Variants in FAM83C observed in about 807,000 individuals in gnomAD.
FAM83C encodes scaffolding CK1 anchoring protein C, also known as protein FAM83C.
A neutral mutation model predicts 27.1 loss-of-function variants in FAM83C; 23 were observed. The ratio of observed to expected loss-of-function variants is 0.85; its 90% CI spans 0.61 to 1.20. The LOEUF is 1.20. Among genes scored for constraint, FAM83C ranks in the 50% most tolerant of loss-of-function variants. The pLI, the probability that FAM83C is intolerant of heterozygous loss-of-function variation, is 0.00. For missense variants in FAM83C, 984 were observed against 1,001.3 expected, an observed-to-expected ratio of 0.98 and a Z score of 0.23; for synonymous variants, 426 against 423.1, an observed-to-expected ratio of 1.01 and a Z score of -0.09.
Position 35,292,109 on chromosome 20 carries a change from C to T in FAM83C, c.196G>A (p.Glu66Lys), listed in dbSNP as rs767937565. The T allele has an allele frequency of 1.8e-5, 29 of 1,604,564 alleles. No homozygotes were observed. The highest frequency in any genetic ancestry group is 6.7e-5 in the East Asian group (3 of 44,874). Residue 66 changes from glutamate to lysine, a missense_variant, in exon 1 of 4, where the codon GAG becomes AAG. Transcript: ENST00000374408. The stretch of plus-strand genomic sequence containing the variant: ...CTCAGGAAGGGCAGCTCCCGCTCCT[C>T]GGAGATGACCCGCAGGTAGGCAGCC... ...GEAAYLRVISEERELPFLSAL... is the reference protein window; with the variant it reads ...GEAAYLRVISKERELPFLSAL...
chr20:35,288,947 C>A lies in FAM83C; in HGVS notation c.525G>T (p.Val175=). ...LFSQAHTVVA[V]VMDIFTDMEL... is the part of the protein sequence containing the mutation. ...CCATGTCAGTGAATATGTCCATCAC[C>A]ACAGCCACCACCTGGGTGGGGGGAG... Residue 175 remains valine (V), a synonymous_variant, in exon 2 of 4, where the codon GTG becomes GTT. Coordinates refer to ENST00000374408, the MANE Select transcript of FAM83C (RefSeq NM_178468.6). The A allele has an allele frequency of 6.2e-7, 1 of 1,613,492 alleles. No homozygotes were observed. The highest frequency in any genetic ancestry group is 1.1e-5 in the South Asian group (1 of 91,006).
chr20:35,287,265 C>T lies in FAM83C; in HGVS notation c.1514G>A (p.Arg505His), dbSNP rs754349955. The change falls in exon 4 of 4, where the codon CGT becomes CAT. Residue 505 changes from arginine (R) to histidine (H), a missense_variant. Arg to His is a conservative substitution (Grantham distance 29). Transcript: ENST00000374408. ...KEKKASPSQSRGQLDLLVPFP... is the reference protein window; with the variant it reads ...KEKKASPSQSHGQLDLLVPFP... The stretch of plus-strand genomic sequence containing the variant: ...GGGGACAAGGAGATCCAGCTGGCCA[C>T]GGCTCTGACTTGGAGATGCCTTCTT... 57 of 1,613,224 alleles carry T rather than the reference C, an allele frequency of 3.5e-5. No individual in the cohort carries two copies. Among genetic ancestry groups the T allele is most frequent in the Admixed American group, 5.0e-5 (3 of 60,014 alleles).
At chr20:35,291,582 T>A (rs2060846922) in intron 1 of FAM83C, among the ~76,000 whole-genome samples, 1 of 152,238 alleles carries the variant, frequency 6.6e-6, no homozygotes, top group Non-Finnish European at 1.5e-5. Context: ...TGCCCTGTTC[T>A]ATGCTCATCC....
Position 35,287,603 on chromosome 20 carries a change from G to A in FAM83C, c.1176C>T (p.Pro392=), listed in dbSNP as rs746654712. 2 of 1,614,106 alleles carry A rather than the reference G, an allele frequency of 1.2e-6. No individual in the cohort carries two copies. The highest frequency in any genetic ancestry group is 1.7e-6 in the Non-Finnish European group (2 of 1,179,998). ...GPARREASGQ[P]SLHRQLSDPN... ...GGTCTGACAGTTGGCGATGTAGGGA[G>A]GGCTGGCCACTGGCCTCACGGCGGG... The change falls in exon 4 of 4, where the codon CCC becomes CCT. Residue 392 remains proline (P), a synonymous_variant. Coordinates refer to ENST00000374408, the MANE Select transcript of FAM83C (RefSeq NM_178468.6).
At position 35,287,521 on chromosome 20, in the gene FAM83C, A is replaced by G. The variant is rs747841294; in HGVS notation, c.1258T>C (p.Tyr420His). 6.8e-6 allele frequency: 11 copies of G among 1,614,148 alleles called. No individual in the cohort carries two copies. The South Asian group carries it at 1.2e-4, about 18-fold the overall frequency. Residue 420 changes from tyrosine (Y) to histidine (H), a missense_variant, in exon 4 of 4, where the codon TAC (tyrosine) becomes CAC (histidine). Transcript: ENST00000374408. ...YRANLGKLGAYPWSQSSPALN... is the reference protein window; with the variant it reads ...YRANLGKLGAHPWSQSSPALN... ...GCAGGGGAGGACTGGGACCATGGGT[A>G]TGCCCCTAGCTTGCCGAGATTGGCC...
In FAM83C at chr20:35,288,949, C is replaced by T; in HGVS notation, c.523G>A (p.Val175Met). The T allele has an allele frequency of 6.2e-7, 1 of 1,613,362 alleles. No homozygotes were observed. The highest frequency in any genetic ancestry group is 8.5e-7 in the Non-Finnish European group (1 of 1,179,642). The change falls in exon 2 of 4, where the codon GTG (valine) becomes ATG (methionine). Residue 175 changes from valine to methionine, a missense_variant. By Grantham distance (21) the Val-to-Met change is conservative (BLOSUM62 1). Coordinates refer to ENST00000374408, the MANE Select transcript of FAM83C (RefSeq NM_178468.6). ...ATGTCAGTGAATATGTCCATCACCA[C>T]AGCCACCACCTGGGTGGGGGGAGGC... Reference protein sequence around the residue: ...LFSQAHTVVAVVMDIFTDMEL... With the variant: ...LFSQAHTVVAMVMDIFTDMEL...
chr20:35,287,042 G>A lies in FAM83C; in HGVS notation c.1737C>T (p.Ala579=). 6.2e-7 allele frequency: 1 copy of A among 1,605,368 alleles called. No individual in the cohort carries two copies. Among genetic ancestry groups the A allele is most frequent in the Non-Finnish European group, 8.5e-7 (1 of 1,179,970 alleles). Reference sequence around the variant, plus strand: ...TTAGGGACAGCCTCCTGTCCTCCAGGGCCCGATCACCAGGTCTGAGGGAAC... The same window carrying A: ...TTAGGGACAGCCTCCTGTCCTCCAGAGCCCGATCACCAGGTCTGAGGGAAC... The part of the protein sequence containing the change: ...ELGSLRPGDR[A]LEDRRLSLNQ... The change falls in exon 4 of 4, where the codon GCC becomes GCT. Residue 579 remains alanine, a synonymous_variant. Transcript: ENST00000374408.
At position 35,287,526 on chromosome 20, in the gene FAM83C, C is replaced by G. The variant is rs1408031253; in HGVS notation, c.1253G>C (p.Gly418Ala). 1 of 1,614,114 alleles carries G rather than the reference C, an allele frequency of 6.2e-7. No homozygotes were observed. Among genetic ancestry groups the G allele is most frequent in the Non-Finnish European group, 8.5e-7 (1 of 1,180,002 alleles). The change falls in exon 4 of 4, where the codon GGG becomes GCG. Residue 418 changes from glycine to alanine, a missense_variant. Gly to Ala is a moderately conservative substitution (Grantham distance 60). Transcript: ENST00000374408. ...GGAGGACTGGGACCATGGGTATGCC[C>G]CTAGCTTGCCGAGATTGGCCCTATA... ...GLYRANLGKL[G>A]AYPWSQSSPA...
At position 35,287,225 on chromosome 20, in the gene FAM83C, T is replaced by G; in HGVS notation, c.1554A>C (p.Arg518=). 6.2e-7 allele frequency: 1 copy of G among 1,612,662 alleles called. No homozygotes were observed. Among genetic ancestry groups the G allele is most frequent in the East Asian group, 2.2e-5 (1 of 44,878 alleles). Residue 518 remains arginine, a synonymous_variant, in exon 4 of 4, where the codon CGA becomes CGC. Transcript: ENST00000374408. The part of the protein sequence containing the change: ...LDLLVPFPRA[R]EVGDPDSGVT... ...CCCCAGAGTCAGGGTCTCCCACTTC[T>G]CGGGCTCTGGGGAAGGGGACAAGGA...
chr20:35,289,040 G>A (rs2060839073), intron 1 of FAM83C, 82 bp from the exon 2 acceptor site: 2 of 1,522,338 alleles, frequency 1.3e-6, no homozygotes, highest in African/African-American at 1.4e-5. Context: ...AGGAAACTGG[G>A]CGCCGGGAAA....
chr20:35,287,014 G>A lies in FAM83C; in HGVS notation c.1765C>T (p.Gln589Ter). 6.2e-7 allele frequency: 1 copy of A among 1,608,382 alleles called. No individual in the cohort carries two copies. Among genetic ancestry groups the A allele is most frequent in the African/African-American group, 1.3e-5 (1 of 75,072 alleles). ...AGGAGGTCTGATTGGCCACGGCTTTGGTTTAGGGACAGCCTCCTGTCCTCC... is the reference window on the plus strand; with the variant it reads ...AGGAGGTCTGATTGGCCACGGCTTTAGTTTAGGGACAGCCTCCTGTCCTCC... Reference protein sequence around the residue: ...ALEDRRLSLNQSRGQSDLLMQ... With the variant: ...ALEDRRLSLN The change falls in exon 4 of 4, where the codon CAA becomes TAA. Residue 589 changes from glutamine to a stop codon, truncating the protein, a stop_gained. Transcript: ENST00000374408. LOFTEE classifies it high-confidence loss of function.
At chr20:35,288,337 A>C in intron 3 of FAM83C, 124 bp downstream of exon 3, 1 of 1,519,534 alleles carries the variant, frequency 6.6e-7, no homozygotes, top group Non-Finnish European at 8.8e-7. Flanking sequence ...TGAGCCTGGC[A>C]TGATGCCTGG....
chr20:35,287,548 T>C lies in FAM83C; in HGVS notation c.1231A>G (p.Arg411Gly). ...PNHGSPPGLY[R>G]ANLGKLGAYP... ...GCCCCTAGCTTGCCGAGATTGGCCCTATAGAGCCCAGGAGGGGAGCCGTGG... is the reference window on the plus strand; with the variant it reads ...GCCCCTAGCTTGCCGAGATTGGCCCCATAGAGCCCAGGAGGGGAGCCGTGG... Residue 411 changes from arginine (R) to glycine (G), a missense_variant, in exon 4 of 4, where the codon AGG (arginine) becomes GGG (glycine). Transcript: ENST00000374408. 6.2e-7 allele frequency: 1 copy of C among 1,614,090 alleles called. No individual in the cohort carries two copies. The highest frequency in any genetic ancestry group is 8.5e-7 in the Non-Finnish European group (1 of 1,180,000).
Position 35,292,047 on chromosome 20 carries a change from G to C in FAM83C, c.258C>G (p.Arg86=). 1.9e-6 allele frequency: 3 copies of C among 1,612,496 alleles called. No homozygotes were observed. Among genetic ancestry groups the C allele is most frequent in the Non-Finnish European group, 2.5e-6 (3 of 1,179,956 alleles). Residue 86 remains arginine, a synonymous_variant, in exon 1 of 4, where the codon CGC becomes CGG. Transcript: ENST00000374408. ...LDVDYMTSHV[R]GGPELSEAQG... ...GAGCCTCGCTGAGCTCAGGGCCCCC[G>C]CGCACATGGCTGGTCATGTAGTCCA...
chr20:35,290,068 C>T (rs1210070151), intron 1 of FAM83C, among the ~76,000 whole-genome samples: 1 of 152,218 alleles, frequency 6.6e-6, no homozygotes, highest in Non-Finnish European at 1.5e-5. Flanking sequence ...GGGGTCTTCG[C>T]TGCCCTTTCC....
rs6060348 is a variant in FAM83C, at chr20:35,286,356, T to A, written c.*179A>T. 316 of 335,884 alleles carry A rather than the reference T, an allele frequency of 9.4e-4. No homozygotes were observed. Among genetic ancestry groups the A allele is most frequent in the Non-Finnish European group, 1.5e-3 (282 of 182,364 alleles). 20.8% of individuals were successfully genotyped at this position (335,884 alleles called of 1,614,324 possible). Reference sequence around the variant, plus strand: ...AGATTCAAGAAGATACTAGTTAGGGTGTGTGTGTGTGTGTGTGTGTGTGTG... The same window carrying A: ...AGATTCAAGAAGATACTAGTTAGGGAGTGTGTGTGTGTGTGTGTGTGTGTG... On this transcript the variant is annotated 3_prime_UTR_variant, in exon 4 of 4. Transcript: ENST00000374408.
chr20:35,287,125 C>T lies in FAM83C; in HGVS notation c.1654G>A (p.Asp552Asn), dbSNP rs748263316. The T allele has an allele frequency of 5.6e-6, 9 of 1,603,398 alleles. No individual in the cohort carries two copies. The highest frequency in any genetic ancestry group is 1.3e-5 in the African/African-American group (1 of 74,954). ...EDRRLSPSQA[D>N]SQLDLLSRAL... Reference sequence around the variant, plus strand: ...CGGGACAGGAGATCCAGCTGGCTGTCGGCCTGGCTTGGGGACAACCTCCTG... The same window carrying T: ...CGGGACAGGAGATCCAGCTGGCTGTTGGCCTGGCTTGGGGACAACCTCCTG... Residue 552 changes from aspartate to asparagine, a missense_variant, in exon 4 of 4, where the codon GAC (aspartate) becomes AAC (asparagine). By Grantham distance (23) the Asp-to-Asn change is conservative. Transcript: ENST00000374408.
Position 35,288,484 on chromosome 20 carries a change from C to G in FAM83C, c.783G>C (p.Glu261Asp). The G allele has an allele frequency of 1.2e-6, 2 of 1,614,148 alleles. No homozygotes were observed. The highest frequency in any genetic ancestry group is 1.7e-6 in the Non-Finnish European group (2 of 1,180,014). The change falls in exon 3 of 4, where the codon GAG (glutamate) becomes GAC (aspartate). Residue 261 changes from glutamate (E) to aspartate (D), a missense_variant. Transcript: ENST00000374408. Reference protein sequence around the residue: ...ALEKFVLIDCEQVVAGSYSFT... With the variant: ...ALEKFVLIDCDQVVAGSYSFT... ...ACCTGTAACTGCCCGCCACCACTTG[C>G]TCACAGTCAATGAGGACGAACTTCT...
chr20:35,288,698 T>A, intron 2 of FAM83C, 93 bp downstream of exon 2: 1 of 1,482,988 alleles, frequency 6.7e-7, no homozygotes, highest in Non-Finnish European at 9.2e-7. Context: ...CCACTCCCAG[T>A]GCCCCCCAGT....
Sources: allele counts gnomAD v4.1 joint callset (sites outside exome capture counted in the v4.1 genomes callset), GRCh38; gene constraint gnomAD v4.1.1; transcripts MANE v1.5; gene names NCBI Gene and HGNC (gene_info 2026-07-23, HGNC 2026-07-21).